The following ITPR1 variants were observed in gnomAD, a reference collection of about 807,000 sequenced individuals.
ITPR1 encodes inositol 1,4,5-trisphosphate receptor type 1.
In ITPR1, 96 loss-of-function variants were observed where a neutral mutation model predicts 318.4. That is an observed-to-expected ratio of 0.30 (90% CI 0.26 to 0.36). The LOEUF (loss-of-function observed/expected upper bound fraction) is 0.36. ITPR1 is among the 10% of genes least tolerant of loss of function. The pLI is 1.00. For synonymous variants in ITPR1, 1,312 were observed against 1,289.9 expected, an observed-to-expected ratio of 1.02 and a Z score of -0.37; for missense variants, 2,440 against 3,460.2, an observed-to-expected ratio of 0.71 and a Z score of 7.40.
intron 4 of ITPR1, among the ~76,000 whole-genome samples, chr3:4,580,039 T>C (rs1221977156): frequency 6.6e-6 from 1 of 152,064 alleles, no homozygotes; most frequent in Non-Finnish European, 1.5e-5. Context: ...TGAAACCCTG[T>C]CTCTACTAAA....
chr3:4,744,972 C>G (rs1018368266), intron 44 of ITPR1, among the ~76,000 whole-genome samples: 1 of 131,210 alleles, frequency 7.6e-6, no homozygotes. Flanking sequence ...TTCCTTCCTT[C>G]GTTCCCCTCT....
At chr3:4,659,860 T>C (rs538375623) in intron 13 of ITPR1, among the ~76,000 whole-genome samples, 1 of 152,294 alleles carries the variant, frequency 6.6e-6, no homozygotes, top group East Asian at 1.9e-4. Flanking sequence ...TATTACATTG[T>C]AACAATAGAA....
chr3:4,622,366 G>T (rs573602221), intron 4 of ITPR1, among the ~76,000 whole-genome samples: 1 of 151,176 alleles, frequency 6.6e-6, no homozygotes, highest in Non-Finnish European at 1.5e-5. Context: ...GCCTGCCTTG[G>T]CCTCCCAAAG....
At chr3:4,744,000 A>T (rs1476161795) in intron 44 of ITPR1, among the ~76,000 whole-genome samples, 1 of 151,998 alleles carries the variant, frequency 6.6e-6, no homozygotes, top group East Asian at 1.9e-4. Context: ...ACGCCCAGCT[A>T]ATTTTTTGTA....
chr3:4,663,324 GC>G, intron 16 of ITPR1, 118 bp downstream of exon 16: 1 of 899,768 alleles, frequency 1.1e-6, no homozygotes, highest in Non-Finnish European at 1.6e-6. Flanking sequence ...ATCCCCTTGA[GC>G]CCAGGAAATG....
chr3:4,609,051 AATATATATAT>A lies in ITPR1; in HGVS notation c.164-18682_164-18673del, dbSNP rs754002503. Among the ~76,000 whole-genome samples, 268 of 46,566 alleles carry A rather than the reference AATATATATAT, an allele frequency of 5.8e-3. 15 individuals carry two copies. The East Asian group carries it at 0.17, about 29-fold the overall frequency. The allele number at this position is 46,566 out of a possible 152,430, so 30.5% of individuals were successfully genotyped here. ...CAAAAGAAAACAACAACAACAACGAAATATATATATATATATATATATATATATATATATA... is the reference window on the plus strand; with the variant it reads ...CAAAAGAAAACAACAACAACAACGAAATATATATATATATATATATATATA... On this transcript the variant is annotated intron_variant, in intron 4 of 61. Transcript: ENST00000649015.
chr3:4,711,094 C>A (rs899860637), intron 38 of ITPR1, among the ~76,000 whole-genome samples: 7 of 151,690 alleles, frequency 4.6e-5, no homozygotes, highest in African/African-American at 1.5e-4. Flanking sequence ...CTCCTGTAAT[C>A]CCAGCTACTC....
chr3:4,695,338 C>G (rs1283717693), intron 33 of ITPR1, among the ~76,000 whole-genome samples: 1 of 152,104 alleles, frequency 6.6e-6, no homozygotes, highest in African/African-American at 2.4e-5. Context: ...AGAGTTATAA[C>G]TAGTATTAGG....
chr3:4,560,720 G>T (rs2086588295), intron 4 of ITPR1, among the ~76,000 whole-genome samples: 2 of 152,148 alleles, frequency 1.3e-5, no homozygotes, highest in Admixed American at 1.3e-4. Flanking sequence ...ATTAACTTTG[G>T]TGCATGTAGA....
In ITPR1 at chr3:4,503,566, G is replaced by A. The variant is rs77312454; in HGVS notation, c.-17+9060G>A. Among the ~76,000 whole-genome samples, 1,162 of 152,240 alleles carry A rather than the reference G, an allele frequency of 7.6e-3. 8 individuals carry two copies. The highest frequency in any genetic ancestry group is 0.031 in the Middle Eastern group (9 of 294). ...GGGAGAGTGATTTGTGTCCTCCAGG[G>A]GACATTTGGTATCGTCTGGAGATAT... On this transcript the variant is annotated intron_variant, in intron 2 of 61. Coordinates refer to ENST00000649015, the MANE Select transcript of ITPR1 (RefSeq NM_001378452.1).
Position 4,618,967 on chromosome 3 carries a change from C to T in ITPR1, c.164-8796C>T, listed in dbSNP as rs189326224. Among the ~76,000 whole-genome samples the T allele has an allele frequency of 1.8e-3, 275 of 152,332 alleles. 2 individuals are homozygous for T. Among genetic ancestry groups the T allele is most frequent in the Non-Finnish European group, 2.6e-3 (177 of 68,032 alleles). On this transcript the variant is annotated intron_variant, in intron 4 of 61. Transcript: ENST00000649015. ...TCTCCATTTTTTGGTGGAGTACAAC[C>T]TCCAGCAGCTTCCTGATTTTAGACT...
At chr3:4,677,801 TG>T (rs1472125759) in intron 24 of ITPR1, among the ~76,000 whole-genome samples, 22 of 152,010 alleles carry the variant, frequency 1.4e-4, no homozygotes, top group Non-Finnish European at 2.6e-4. Flanking sequence ...AGTTTGTTGC[TG>T]TTTGGGGAGA....
At chr3:4,638,222 C>T (rs908517889) in intron 5 of ITPR1, among the ~76,000 whole-genome samples, 1 of 152,176 alleles carries the variant, frequency 6.6e-6, no homozygotes, top group African/African-American at 2.4e-5. Context: ...AGAGTGCCTT[C>T]GAAACCCTTC....
chr3:4,689,109 G>T (rs780273332), intron 31 of ITPR1, among the ~76,000 whole-genome samples: 1 of 152,170 alleles, frequency 6.6e-6, no homozygotes, highest in Non-Finnish European at 1.5e-5. Context: ...GCATTGTCTT[G>T]TGTTCTGCTT....
At chr3:4,830,404 C>A (rs558551292) in intron 60 of ITPR1, among the ~76,000 whole-genome samples, 1 of 152,056 alleles carries the variant, frequency 6.6e-6, no homozygotes, top group East Asian at 1.9e-4. Flanking sequence ...TTGCTGTGAT[C>A]TTAGAAAAAT....
chr3:4,538,884 G>T (rs1490269814), intron 4 of ITPR1, among the ~76,000 whole-genome samples: 1 of 152,124 alleles, frequency 6.6e-6, no homozygotes, highest in Non-Finnish European at 1.5e-5. Flanking sequence ...TAGGGGATGG[G>T]TGAGGGGAGG....
intron 53 of ITPR1, among the ~76,000 whole-genome samples, chr3:4,798,258 TA>T (rs1206317399): frequency 2.0e-5 from 3 of 152,092 alleles, no homozygotes; most frequent in Middle Eastern, 3.2e-3. Context: ...AACTCAACAA[TA>T]AAAAAACTAT....
chr3:4,666,124 T>A (rs989499137), intron 17 of ITPR1, among the ~76,000 whole-genome samples: 1 of 152,202 alleles, frequency 6.6e-6, no homozygotes, highest in African/African-American at 2.4e-5. Context: ...ACCGTAGGCA[T>A]GCAAAATGAT....
intron 42 of ITPR1, among the ~76,000 whole-genome samples, chr3:4,731,939 C>T (rs1423933793): frequency 6.6e-6 from 1 of 152,208 alleles, no homozygotes; most frequent in African/African-American, 2.4e-5. Context: ...GTTTTAGAGA[C>T]CTGCTAGATT....
Sources: allele counts gnomAD v4.1 joint callset (sites outside exome capture counted in the v4.1 genomes callset), GRCh38; gene constraint gnomAD v4.1.1; transcripts MANE v1.5; gene names NCBI Gene and HGNC (gene_info 2026-07-23, HGNC 2026-07-21).